The following ABHD2 variants were observed in gnomAD, a reference collection of about 807,000 sequenced individuals.
The protein encoded by ABHD2 is monoacylglycerol lipase ABHD2.
In ABHD2, 20 loss-of-function variants were observed where a neutral mutation model predicts 48.1. The observed-to-expected ratio is 0.42, with a 90% CI of 0.29 to 0.60. The LOEUF is 0.60. Ranked by LOEUF, ABHD2 falls within the 20% of genes least tolerant of loss-of-function variation. The probability of loss-of-function intolerance (pLI) is 0.24; values close to 1 mark genes in which losing one functional copy is unlikely to be tolerated. For missense variants in ABHD2, 405 were observed against 550.9 expected (o/e 0.74, Z 2.65); for synonymous variants, 209 against 214.2 (o/e 0.98, Z 0.21).
the ABHD2 span, among the ~76,000 whole-genome samples, chr15:89,048,209 G>T: frequency 4.0e-5 from 6 of 151,512 alleles, no homozygotes; most frequent in Admixed American, 3.3e-4. Context: ...TTTTCTTTAA[G>T]AATGTTGAAT....
In ABHD2 at chr15:89,111,754, A is replaced by G. The variant is rs7162735; in HGVS notation, c.-106-1971A>G. On this transcript the variant is annotated intron_variant, in intron 1 of 10. Transcript: ENST00000352732. Reference sequence around the variant, plus strand: ...GCATTCACCAGTCTTATACATTTCCATATCTTTCCCTATGCATATAGATTC... The same window carrying G: ...GCATTCACCAGTCTTATACATTTCCGTATCTTTCCCTATGCATATAGATTC... Among the ~76,000 whole-genome samples, 1,477 of 152,316 alleles carry G rather than the reference A, an allele frequency of 9.7e-3. 19 individuals carry two copies. Among genetic ancestry groups the G allele is most frequent in the Middle Eastern group, 0.034 (10 of 292 alleles).
chr15:89,187,080 G>A (rs967746309), intron 7 of ABHD2, among the ~76,000 whole-genome samples: 2 of 152,248 alleles, frequency 1.3e-5, no homozygotes, highest in African/African-American at 4.8e-5. Context: ...TGGGTCTGGA[G>A]ATTGCAGATG....
chr15:89,080,719 G>A, the ABHD2 span, among the ~76,000 whole-genome samples: 6 of 148,894 alleles, frequency 4.0e-5, no homozygotes, highest in Non-Finnish European at 8.9e-5. Context: ...TTTTAAGATG[G>A]AGTCTCACTC....
the ABHD2 span, among the ~76,000 whole-genome samples, chr15:89,045,159 G>A: frequency 1.3e-5 from 2 of 152,152 alleles, no homozygotes; most frequent in Non-Finnish European, 2.9e-5. Context: ...TATTAAATAG[G>A]GAATCCTTTC....
the ABHD2 span, among the ~76,000 whole-genome samples, chr15:89,048,238 C>T: frequency 6.6e-6 from 1 of 152,036 alleles, no homozygotes; most frequent in African/African-American, 2.4e-5. Flanking sequence ...CCACTCTCTT[C>T]TGGCTTGTAG....
At position 89,137,785 on chromosome 15, in the gene ABHD2, T is replaced by C. The variant is rs16942741; in HGVS notation, c.195-13892T>C. 0.2 allele frequency among the ~76,000 whole-genome samples: 29,966 copies of C among 152,148 alleles called. 3,193 individuals carry two copies. The highest frequency in any genetic ancestry group is 0.31 in the Admixed American group (4,702 of 15,292). ...GCCTATTAATGGGTGTTTGGGAAGCTGAATATGTTGCTGCCATTTTGAGAT... is the reference window on the plus strand; with the variant it reads ...GCCTATTAATGGGTGTTTGGGAAGCCGAATATGTTGCTGCCATTTTGAGAT... On this transcript the variant is annotated intron_variant, in intron 3 of 10. Transcript: ENST00000352732. The surrounding 1 kb of genome is among the most constrained non-coding windows in gnomAD (Gnocchi z 4.8).
rs1454617854 is a variant in ABHD2, at chr15:89,116,275, C to T, written c.-6-47C>T. 5.1e-6 allele frequency: 8 copies of T among 1,558,736 alleles called. No individual in the cohort carries two copies. Among genetic ancestry groups the T allele is most frequent in the South Asian group, 3.6e-5 (3 of 83,798 alleles). ...CGTCTGTAGGGTGGTGGGCACCACC[C>T]GTCCTCACTGTGCTTGTAAACTTAG... On this transcript the variant is annotated intron_variant, in intron 2 of 10. Coordinates refer to ENST00000352732, the MANE Select transcript of ABHD2 (RefSeq NM_152924.5). The surrounding 1 kb of genome is among the most constrained non-coding windows in gnomAD (Gnocchi z 4.6).
intron 4 of ABHD2, among the ~76,000 whole-genome samples, chr15:89,153,867 T>G (rs1489730464): frequency 1.1e-4 from 16 of 152,232 alleles, no homozygotes; most frequent in Admixed American, 1.0e-3. Context: ...TTATAAAGAC[T>G]TTCCCATGTA....
intron 5 of ABHD2, among the ~76,000 whole-genome samples, chr15:89,172,637 T>A (rs1422751662): frequency 6.6e-6 from 1 of 152,236 alleles, no homozygotes; most frequent in African/African-American, 2.4e-5. Flanking sequence ...GTTATAGCCA[T>A]TAACATTGAA....
intron 3 of ABHD2, among the ~76,000 whole-genome samples, chr15:89,131,219 T>C (rs2050214356): frequency 6.6e-6 from 1 of 152,232 alleles, no homozygotes; most frequent in Non-Finnish European, 1.5e-5. Flanking sequence ...TCGCTCCTTC[T>C]TCCCTATATT....
chr15:89,114,639 C>T lies in ABHD2; in HGVS notation c.-7+815C>T, dbSNP rs975353299. On this transcript the variant is annotated intron_variant, in intron 2 of 10. Coordinates refer to ENST00000352732, the MANE Select transcript of ABHD2 (RefSeq NM_152924.5). The surrounding 1 kb of genome is among the most constrained non-coding windows in gnomAD (Gnocchi z 4.2). ...CTGGGATTACAGGCATGTGCCACCACGCCCGGCAAATTTTTGTATTTTTGG... is the reference window on the plus strand; with the variant it reads ...CTGGGATTACAGGCATGTGCCACCATGCCCGGCAAATTTTTGTATTTTTGG... Among the ~76,000 whole-genome samples, 3 of 152,100 alleles carry T rather than the reference C, an allele frequency of 2.0e-5. No individual in the cohort carries two copies. The highest frequency in any genetic ancestry group is 2.9e-5 in the Non-Finnish European group (2 of 68,018).
upstream of ABHD2, among the ~76,000 whole-genome samples, chr15:89,083,153 C>A (rs914622012): frequency 5.3e-5 from 8 of 152,206 alleles, no homozygotes; most frequent in South Asian, 1.5e-3. The surrounding 1 kb of genome is among the most constrained non-coding windows in gnomAD (Gnocchi z 5.1). Flanking sequence ...CTGTGCCCGG[C>A]CTGTTTTTGT....
At chr15:89,136,118 G>T (rs189099622) in intron 3 of ABHD2, 41 of 193,340 alleles carry the variant, frequency 2.1e-4, no homozygotes, top group Non-Finnish European at 3.3e-4. Context: ...CAGTAGAGAC[G>T]GGCTTTCACT....
intron 3 of ABHD2, among the ~76,000 whole-genome samples, chr15:89,118,106 C>G (rs1242869452): frequency 6.6e-6 from 1 of 152,150 alleles, no homozygotes. Context: ...TAAAAATCAG[C>G]TCTGTAAAGG....
At chr15:89,103,877 C>G (rs2049740896) in intron 1 of ABHD2, 1 of 152,206 alleles carries the variant, frequency 6.6e-6, no homozygotes, top group African/African-American at 2.4e-5. Flanking sequence ...AGGTGCCTAT[C>G]TCACAATATC....
At chr15:89,057,215 G>A in the ABHD2 span, among the ~76,000 whole-genome samples, 1 of 152,154 alleles carries the variant, frequency 6.6e-6, no homozygotes, top group Middle Eastern at 3.2e-3. Context: ...CGCTAGGCCA[G>A]CGTGATACCA....
Position 89,116,532 on chromosome 15 carries a change from C to T in ABHD2, c.194+11C>T, listed in dbSNP as rs760198527. 1 of 1,607,666 alleles carries T rather than the reference C, an allele frequency of 6.2e-7. No homozygotes were observed. Among genetic ancestry groups the T allele is most frequent in the South Asian group, 1.1e-5 (1 of 90,502 alleles). ...TCTTCTGACCAAAGAGTGAGTAGAC[C>T]TCATGCCCTCTGTATGCTCAGCTGC... On this transcript the variant is annotated intron_variant, in intron 3 of 10. Coordinates refer to ENST00000352732, the MANE Select transcript of ABHD2 (RefSeq NM_152924.5). The surrounding 1 kb of genome is among the most constrained non-coding windows in gnomAD (Gnocchi z 4.6).
chr15:89,139,579 T>C (rs1239089876), intron 3 of ABHD2, among the ~76,000 whole-genome samples: 1 of 152,098 alleles, frequency 6.6e-6, no homozygotes, highest in East Asian at 1.9e-4. Flanking sequence ...AAAATATAGG[T>C]AGAGGCAGGT....
At position 89,185,476 on chromosome 15, in the gene ABHD2, C is replaced by T; in HGVS notation, c.775C>T (p.Leu259Phe). The T allele has an allele frequency of 6.2e-7, 1 of 1,614,164 alleles. No homozygotes were observed. Among genetic ancestry groups the T allele is most frequent in the Non-Finnish European group, 8.5e-7 (1 of 1,180,012 alleles). The change falls in exon 7 of 11, where the codon CTC becomes TTC. Residue 259 changes from leucine to phenylalanine, a missense_variant. Coordinates refer to ENST00000352732, the MANE Select transcript of ABHD2 (RefSeq NM_152924.5). This position sits in a 1 kb window ranked among gnomAD's most constrained non-coding sequence, Gnocchi z 5.9. ...TCAGTGCCGGCGGTTCTACAACTTC[C>T]TCATGGCTGACAACATGAAGAAGAT... is the stretch of plus-strand genomic sequence containing the variant. ...WDQCRRFYNF[L>F]MADNMKKIIL...
Sources: allele counts gnomAD v4.1 joint callset (sites outside exome capture counted in the v4.1 genomes callset), GRCh38; gene constraint gnomAD v4.1.1; non-coding constraint Gnocchi (gnomAD v3.1); transcripts MANE v1.5; gene names NCBI Gene and HGNC (gene_info 2026-07-23, HGNC 2026-07-21).